Variants in IFT74 observed in about 807,000 individuals in gnomAD.
IFT74 encodes intraflagellar transport protein 74 homolog.
In IFT74, 92 loss-of-function variants were observed where a neutral mutation model predicts 96.7. That is an observed-to-expected ratio of 0.95 (90% CI 0.80 to 1.13). The LOEUF (loss-of-function observed/expected upper bound fraction) is 1.13, where lower values mean the gene tolerates loss of function less well. IFT74 is among the 50% of genes most tolerant of loss of function. The pLI, the probability that IFT74 is intolerant of heterozygous loss-of-function variation, is 0.00. For synonymous variants in IFT74, 223 were observed against 213.2 expected (o/e 1.05, Z -0.40); for missense variants, 811 against 698.2 (o/e 1.16, Z -1.82).
chr9:26,949,374 A>G (rs928205547), intron 1 of IFT74, among the ~76,000 whole-genome samples: 1 of 152,202 alleles, frequency 6.6e-6, no homozygotes, highest in Admixed American at 6.5e-5. Context: ...GCCCAACTCA[A>G]TGTAAACAGT....
upstream of IFT74, among the ~76,000 whole-genome samples, chr9:26,952,158 G>A (rs1229627333): frequency 6.6e-6 from 1 of 151,470 alleles, no homozygotes; most frequent in Non-Finnish European, 1.5e-5. Flanking sequence ...TTTTTCCTTT[G>A]TTTTCATATG....
At position 27,011,899 on chromosome 9, in the gene IFT74, C is replaced by T; in HGVS notation, c.727-7C>T. The T allele has an allele frequency of 1.3e-6, 2 of 1,523,950 alleles. No homozygotes were observed. The highest frequency in any genetic ancestry group is 1.3e-5 in the South Asian group (1 of 76,074). The allele number at this position is 1,523,950 out of a possible 1,614,324, so 94.4% of individuals were successfully genotyped here. On this transcript the variant is annotated splice_polypyrimidine_tract_variant and splice_region_variant and intron_variant, in intron 9 of 19. Coordinates refer to ENST00000380062, the MANE Select transcript of IFT74 (RefSeq NM_025103.4). ...GGATTTATGTTTGCTTTTTTTTTTCCACTTAGGAATTAGATACACTTCAAC... is the reference window on the plus strand; with the variant it reads ...GGATTTATGTTTGCTTTTTTTTTTCTACTTAGGAATTAGATACACTTCAAC...
At chr9:26,972,328 C>G (rs926467191) in intron 2 of IFT74, among the ~76,000 whole-genome samples, 1 of 152,076 alleles carries the variant, frequency 6.6e-6, no homozygotes, top group African/African-American at 2.4e-5. Flanking sequence ...CGAAGTTTAA[C>G]TTTTTACTTT....
chr9:27,044,641 T>C, intron 13 of IFT74, 101 bp from the exon 14 acceptor site: 1 of 676,362 alleles, frequency 1.5e-6, no homozygotes, highest in East Asian at 2.7e-5. Flanking sequence ...CGTCGAATAG[T>C]CAATGACTAA....
At chr9:26,956,072 C>T (rs890989443), upstream of IFT74, 1 of 152,202 alleles carries the variant, frequency 6.6e-6, no homozygotes, top group African/African-American at 2.4e-5. Context: ...ACAATGCTGC[C>T]TACCACTTAA....
chr9:27,019,101 C>G (rs1232495613), intron 12 of IFT74, among the ~76,000 whole-genome samples: 5 of 152,078 alleles, frequency 3.3e-5, no homozygotes, highest in African/African-American at 1.2e-4. Flanking sequence ...ACTACAGGCA[C>G]ACACCACCAT....
intron 12 of IFT74, among the ~76,000 whole-genome samples, chr9:27,019,712 A>G (rs904975643): frequency 2.1e-4 from 31 of 151,164 alleles, no homozygotes; most frequent in Non-Finnish European, 5.9e-5. Context: ...CCATTTTTTT[A>G]TTATCATGAG....
chr9:27,025,420 G>A (rs1169168625), intron 12 of IFT74, among the ~76,000 whole-genome samples: 4 of 140,928 alleles, frequency 2.8e-5, no homozygotes, highest in South Asian at 2.2e-4. Context: ...TCCATCCTGG[G>A]TGACAGAGTG....
intron 7 of IFT74, among the ~76,000 whole-genome samples, chr9:26,988,983 G>C (rs1326641384): frequency 6.6e-6 from 1 of 152,152 alleles, no homozygotes; most frequent in Non-Finnish European, 1.5e-5. Flanking sequence ...TGCAACATTA[G>C]TTAGGGAGTG....
intron 8 of IFT74, chr9:27,005,649 G>A (rs1292554200): frequency 1.3e-5 from 2 of 148,866 alleles, no homozygotes; most frequent in Admixed American, 6.7e-5. Context: ...CTGTTTCAAC[G>A]GCATTAAAAA....
At chr9:27,009,188 A>G (rs766282662) in intron 9 of IFT74, 30 bp downstream of exon 9, 20 of 1,588,342 alleles carry the variant, frequency 1.3e-5, no homozygotes, top group Admixed American at 5.2e-5. Flanking sequence ...TGTGCCAAGC[A>G]TGTATCATTC....
In IFT74 at chr9:27,063,085, G is replaced by T. The variant is rs1820496343; in HGVS notation, c.*349G>T. Among the ~76,000 whole-genome samples, 1 of 152,120 alleles carries T rather than the reference G, an allele frequency of 6.6e-6. No individual in the cohort carries two copies. The highest frequency in any genetic ancestry group is 2.4e-5 in the African/African-American group (1 of 41,420). ...ATCAACTCTAGGACGGATGCATGGA[G>T]TATGATTCTGATTTAGCACTTAGAT... On this transcript the variant is annotated 3_prime_UTR_variant, in exon 20 of 20. Coordinates refer to ENST00000380062, the MANE Select transcript of IFT74 (RefSeq NM_025103.4).
intron 8 of IFT74, chr9:26,995,769 T>C: frequency 6.2e-7 from 1 of 1,613,692 alleles, no homozygotes; most frequent in Non-Finnish European, 8.5e-7. Context: ...TTGATAGCAA[T>C]AAAAATGAGA....
intron 12 of IFT74, among the ~76,000 whole-genome samples, chr9:27,024,335 G>T (rs181167794): frequency 1.3e-5 from 2 of 152,114 alleles, no homozygotes; most frequent in East Asian, 1.9e-4. Flanking sequence ...AGATCACTTC[G>T]CAGGACTCTT....
At chr9:26,962,715 G>A (rs1826419306) in intron 2 of IFT74, among the ~76,000 whole-genome samples, 2 of 152,100 alleles carry the variant, frequency 1.3e-5, no homozygotes, top group African/African-American at 2.4e-5. Flanking sequence ...GAAAATGTTG[G>A]CAAGTATTCT....
rs1421286127 is a variant in IFT74 at position 26,996,410 on chromosome 9, T to C, written c.587+6215T>C. On this transcript the variant is annotated intron_variant, in intron 8 of 19. Transcript: ENST00000380062. ...TCTTCAGTTACTGATGAAGGAAATT[T>C]TGAGTGGCATTCAGCCTTATGAGGT... 7 of 1,610,534 alleles carry C rather than the reference T, an allele frequency of 4.3e-6. No individual in the cohort carries two copies. The African/African-American group carries it at 9.3e-5, about 22-fold the overall frequency.
chr9:26,947,158 C>T, intron 1 of IFT74: 3 of 1,268,580 alleles, frequency 2.4e-6, no homozygotes, highest in Non-Finnish European at 3.1e-6. Context: ...TAAGGGGCGG[C>T]CGGAGACCGG....
intron 16 of IFT74, among the ~76,000 whole-genome samples, 164 bp from the exon 17 acceptor site, chr9:27,055,445 A>G (rs1475455840): frequency 6.6e-6 from 1 of 152,056 alleles, no homozygotes; most frequent in Admixed American, 6.6e-5. Context: ...TGAGGGGATG[A>G]GTATTTTTTT....
chr9:27,016,757 G>T (rs966341793), intron 10 of IFT74, 150 bp from the exon 11 acceptor site: 4 of 513,990 alleles, frequency 7.8e-6, no homozygotes, highest in Admixed American at 7.4e-5. Context: ...AATGTGCTTT[G>T]TAGCATTATT....
Sources: gnomAD v4.1 joint callset for allele counts (sites outside exome capture counted in the v4.1 genomes callset) on GRCh38, gnomAD v4.1.1 for gene constraint, MANE v1.5 for transcripts, NCBI Gene and HGNC (gene_info 2026-07-23, HGNC 2026-07-21) for gene names.